The following EPB41L3 variants were observed in gnomAD, a reference collection of about 807,000 sequenced individuals.
The protein encoded by EPB41L3 is band 4.1-like protein 3.
Under a neutral mutation model 127.1 loss-of-function variants are expected in EPB41L3, and 57 were observed. That is an observed-to-expected ratio of 0.45 (90% CI 0.36 to 0.56). The LOEUF is 0.56. Among genes scored for constraint, EPB41L3 ranks in the 20% least tolerant of loss-of-function variants. EPB41L3 has a pLI of 0.00. For missense variants in EPB41L3, 1,273 were observed against 1,372.2 expected (o/e 0.93, Z 1.14); for synonymous variants, 572 against 549.5 (o/e 1.04, Z -0.57).
intron 3 of EPB41L3, chr18:5,463,885 G>C (rs1214060458): frequency 1.3e-5 from 2 of 152,232 alleles, no homozygotes; most frequent in African/African-American, 2.4e-5. Context: ...ATCGGGTGCT[G>C]TTTTAGGCCA....
chr18:5,548,421 G>A (rs1405926155), upstream of EPB41L3, among the ~76,000 whole-genome samples: 1 of 152,142 alleles, frequency 6.6e-6, no homozygotes, highest in Non-Finnish European at 1.5e-5. Flanking sequence ...AAGTATAAAT[G>A]TAGCACAAAA....
At chr18:5,475,662 C>T (rs1277226762) in intron 3 of EPB41L3, among the ~76,000 whole-genome samples, 3 of 152,316 alleles carry the variant, frequency 2.0e-5, no homozygotes, top group Non-Finnish European at 2.9e-5. Flanking sequence ...CTCGCAAACA[C>T]ATTTCCATTT....
At chr18:5,532,425 G>T (rs761624002) in intron 1 of EPB41L3, among the ~76,000 whole-genome samples, 30 of 152,326 alleles carry the variant, frequency 2.0e-4, no homozygotes, top group Non-Finnish European at 1.2e-4. Flanking sequence ...CTTTACAAAG[G>T]CTCAAAGAGT....
rs542737964 is a variant in EPB41L3, at chr18:5,407,559, ATGCCAACCTACACAC to A, written c.2157+127_2157+141del. On this transcript the variant is annotated intron_variant, in intron 15 of 22. Coordinates refer to ENST00000341928, the MANE Select transcript of EPB41L3 (RefSeq NM_012307.5). ...AAGGACACAGTTGTCAAGGGAACAA[ATGCCAACCTACACAC>A]TGCACCAACAACATGGTAACCAGCT... 1,816 of 778,118 alleles carry A rather than the reference ATGCCAACCTACACAC, an allele frequency of 2.3e-3. 5 individuals carry two copies. The highest frequency in any genetic ancestry group is 2.9e-3 in the Non-Finnish European group (1,411 of 482,114). The allele number at this position is 778,118 out of a possible 1,614,324, so 48.2% of individuals were successfully genotyped here. A position where few individuals can be genotyped will look rare whatever the true frequency, so the allele number is the denominator to read the frequency against.
At chr18:5,493,292 A>G (rs941619534) in intron 1 of EPB41L3, among the ~76,000 whole-genome samples, 2 of 152,258 alleles carry the variant, frequency 1.3e-5, no homozygotes, top group Non-Finnish European at 2.9e-5. Context: ...TGTGTAAGAC[A>G]GGATTCCTAC....
At chr18:5,597,091 T>C (rs1292547588) in intron 3 of EPB41L3, among the ~76,000 whole-genome samples, 1 of 152,148 alleles carries the variant, frequency 6.6e-6, no homozygotes, top group Non-Finnish European at 1.5e-5. Flanking sequence ...AGGAATAGTC[T>C]ATAAGACTGG....
intron 3 of EPB41L3, among the ~76,000 whole-genome samples, chr18:5,460,184 G>A (rs555683369): frequency 6.6e-6 from 1 of 152,300 alleles, no homozygotes; most frequent in East Asian, 1.9e-4. Flanking sequence ...TTAGTTTGCT[G>A]AGGATAATCA....
chr18:5,454,052 T>C (rs577289870), intron 3 of EPB41L3, among the ~76,000 whole-genome samples: 1 of 152,246 alleles, frequency 6.6e-6, no homozygotes, highest in East Asian at 1.9e-4. Context: ...TTCGGCAAAC[T>C]CTCTGGGCCA....
intron 1 of EPB41L3, among the ~76,000 whole-genome samples, chr18:5,534,821 G>T (rs1230986359): frequency 6.6e-6 from 1 of 152,190 alleles, no homozygotes; most frequent in Non-Finnish European, 1.5e-5. Context: ...TCAACCTGGA[G>T]GTAGGCAGCA....
chr18:5,549,071 T>C (rs1691850978), upstream of EPB41L3, among the ~76,000 whole-genome samples: 1 of 152,232 alleles, frequency 6.6e-6, no homozygotes, highest in Admixed American at 6.5e-5. Context: ...GTAAGACACA[T>C]TCAGAAGTCG....
At chr18:5,564,107 T>C (rs1277707662) in intron 3 of EPB41L3, among the ~76,000 whole-genome samples, 1 of 152,154 alleles carries the variant, frequency 6.6e-6, no homozygotes, top group African/African-American at 2.4e-5. Context: ...ATTTAGAATG[T>C]AGTCACAAGC....
At chr18:5,547,713 G>A (rs145873450), upstream of EPB41L3, among the ~76,000 whole-genome samples, 364 of 152,262 alleles carry the variant, frequency 2.4e-3, 2 homozygotes, top group East Asian at 5.6e-3. Flanking sequence ...TGAAGAGATT[G>A]GATCCCCCAT....
At chr18:5,497,981 T>C (rs2091335887) in intron 1 of EPB41L3, among the ~76,000 whole-genome samples, 1 of 152,240 alleles carries the variant, frequency 6.6e-6, no homozygotes, top group Non-Finnish European at 1.5e-5. Flanking sequence ...GCTGCCATTA[T>C]CAGAAACTTG....
intron 3 of EPB41L3, among the ~76,000 whole-genome samples, chr18:5,592,339 G>T (rs562232570): frequency 1.7e-4 from 26 of 152,156 alleles, no homozygotes; most frequent in Admixed American, 1.4e-3. Flanking sequence ...GCTAATTTTT[G>T]TACTTTTAGG....
intron 3 of EPB41L3, among the ~76,000 whole-genome samples, chr18:5,559,405 G>C (rs2094090143): frequency 6.6e-6 from 1 of 152,138 alleles, no homozygotes. Flanking sequence ...TTACACTGGA[G>C]CTGTGAACAC....
chr18:5,575,790 T>A (rs1369466060), intron 3 of EPB41L3, among the ~76,000 whole-genome samples: 4 of 152,156 alleles, frequency 2.6e-5, no homozygotes, highest in Non-Finnish European at 4.4e-5. Flanking sequence ...TGAGCCAACA[T>A]GGTGCCATTG....
intron 1 of EPB41L3, among the ~76,000 whole-genome samples, chr18:5,492,787 A>T (rs1373617457): frequency 1.3e-5 from 2 of 152,204 alleles, no homozygotes; most frequent in Non-Finnish European, 2.9e-5. Flanking sequence ...AAATCCTAAA[A>T]GTTGGGGTAA....
At chr18:5,597,557 T>A (rs2094549054) in intron 3 of EPB41L3, among the ~76,000 whole-genome samples, 1 of 152,204 alleles carries the variant, frequency 6.6e-6, no homozygotes. Context: ...CATTATACAT[T>A]AAACAATGAA....
At chr18:5,412,892 A>G (rs1262672470) in intron 13 of EPB41L3, among the ~76,000 whole-genome samples, 6 of 151,574 alleles carry the variant, frequency 4.0e-5, no homozygotes, top group Non-Finnish European at 7.4e-5. Flanking sequence ...AAAAATGCCT[A>G]TAACAATTAT....
Sources: allele counts gnomAD v4.1 joint callset (sites outside exome capture counted in the v4.1 genomes callset), GRCh38; gene constraint gnomAD v4.1.1; transcripts MANE v1.5; gene names NCBI Gene and HGNC (gene_info 2026-07-23, HGNC 2026-07-21).